The following PRMT7 variants were observed in gnomAD, a reference collection of about 807,000 sequenced individuals.
PRMT7 encodes the protein protein arginine methyltransferase 7.
PRMT7 carries 75 observed loss-of-function variants against 85.4 expected under a neutral mutation model. That is an observed-to-expected ratio of 0.88 (90% CI 0.73 to 1.06). The LOEUF is 1.06. PRMT7 is among the 50% of genes least tolerant of loss of function. The pLI, the probability that PRMT7 is intolerant of heterozygous loss-of-function variation, is 0.00. For synonymous variants in PRMT7, 397 were observed against 359.5 expected, an observed-to-expected ratio of 1.10 and a Z score of -1.18; for missense variants, 868 against 915.2, an observed-to-expected ratio of 0.95 and a Z score of 0.67.
intron 2 of PRMT7, 120 bp from the exon 3 acceptor site, chr16:68,315,777 A>G: frequency 1.7e-6 from 1 of 576,712 alleles, no homozygotes; most frequent in Admixed American, 3.2e-5. Context: ...CAGTTTCTTG[A>G]TTTTTTTCCC....
chr16:68,336,846 A>G (rs554087626), intron 6 of PRMT7, among the ~76,000 whole-genome samples: 1 of 152,202 alleles, frequency 6.6e-6, no homozygotes, highest in Non-Finnish European at 1.5e-5. Flanking sequence ...TCTGCCTCCC[A>G]GGTTCAAGTG....
chr16:68,317,772 C>T (rs2082034343), intron 3 of PRMT7, among the ~76,000 whole-genome samples: 1 of 151,350 alleles, frequency 6.6e-6, no homozygotes. Context: ...CGGAGGTTGC[C>T]ATGAGCCGAG....
rs562266391 is a variant in PRMT7, at chr16:68,338,757, C to T, written c.505-565C>T. Among the ~76,000 whole-genome samples the T allele has an allele frequency of 5.3e-5, 8 of 152,298 alleles. No individual in the cohort carries two copies. In the South Asian group the frequency reaches 1.7e-3, roughly 32 times the overall value. On this transcript the variant is annotated intron_variant, in intron 7 of 18. Coordinates refer to ENST00000441236, the MANE Select transcript of PRMT7 (RefSeq NM_019023.5). ...GCCAGTGGTGTCCTGGTGGTGAAAGCCATGTGGGTAGCAGCTGTGAGTGTG... is the reference window on the plus strand; with the variant it reads ...GCCAGTGGTGTCCTGGTGGTGAAAGTCATGTGGGTAGCAGCTGTGAGTGTG...
intron 9 of PRMT7, among the ~76,000 whole-genome samples, chr16:68,345,182 T>G (rs1283585374): frequency 6.6e-6 from 1 of 152,244 alleles, no homozygotes; most frequent in East Asian, 1.9e-4. Flanking sequence ...ATAGCTTTTG[T>G]TTCCTCAGTC....
At position 68,357,334 on chromosome 16, in the gene PRMT7, CAGGGATGGGAA is replaced by C. The variant is rs1436094747; in HGVS notation, c.*113_*123del. Reference sequence around the variant, plus strand: ...CTCCTCTCTGGGAGCTGCTCGGCCTCAGGGATGGGAAAGACTGCGCCGTGTTGCATCTTGTT... The same window carrying C: ...CTCCTCTCTGGGAGCTGCTCGGCCTCAGACTGCGCCGTGTTGCATCTTGTT... On this transcript the variant is annotated 3_prime_UTR_variant, in exon 19 of 19. Coordinates refer to ENST00000441236, the MANE Select transcript of PRMT7 (RefSeq NM_019023.5). The C allele has an allele frequency of 8.2e-7, 1 of 1,225,408 alleles. No individual in the cohort carries two copies. The highest frequency in any genetic ancestry group is 1.1e-6 in the Non-Finnish European group (1 of 881,140). 75.9% of individuals were successfully genotyped at this position (1,225,408 alleles called of 1,614,324 possible).
At chr16:68,313,967 G>A (rs1370077241) in intron 2 of PRMT7, among the ~76,000 whole-genome samples, 2 of 152,280 alleles carry the variant, frequency 1.3e-5, no homozygotes, top group South Asian at 4.1e-4. Flanking sequence ...AAATGAAATA[G>A]AGCATATCAG....
At chr16:68,330,854 G>A (rs1249930415) in intron 6 of PRMT7, among the ~76,000 whole-genome samples, 1 of 152,038 alleles carries the variant, frequency 6.6e-6, no homozygotes, top group African/African-American at 2.4e-5. Context: ...CTCGGCCTCC[G>A]AAAGTGCTGG....
At position 68,319,791 on chromosome 16, in the gene PRMT7, C is replaced by T. The variant is rs1211470397; in HGVS notation, c.96-1635C>T. On this transcript the variant is annotated intron_variant, in intron 3 of 18. Coordinates refer to ENST00000441236, the MANE Select transcript of PRMT7 (RefSeq NM_019023.5). ...GCTTTCTAGTGATTCTAGTGTTGAC[C>T]CAAGGCTGGAGGGCCTCTGTTTTAA... Among the ~76,000 whole-genome samples, 5 of 149,270 alleles carry T rather than the reference C, an allele frequency of 3.3e-5. No homozygotes were observed. In the South Asian group the frequency reaches 8.5e-4, roughly 25 times the overall value.
intron 14 of PRMT7, among the ~76,000 whole-genome samples, chr16:68,349,110 C>T (rs2086872804): frequency 6.6e-6 from 1 of 152,156 alleles, no homozygotes; most frequent in South Asian, 2.1e-4. Context: ...ACTGCTTCTG[C>T]CAGCAACCTC....
chr16:68,316,079 T>C lies in PRMT7; in HGVS notation c.95+5T>C. On this transcript the variant is annotated splice_donor_5th_base_variant and intron_variant, in intron 3 of 18. Transcript: ENST00000441236. The stretch of plus-strand genomic sequence containing the variant: ...TTACCACCAGGAGATTGCAAGGTAC[T>C]GGGTTGGTTTACAGCAGGCTGCAGC... 1 of 1,612,976 alleles carries C rather than the reference T, an allele frequency of 6.2e-7. No homozygotes were observed. The highest frequency in any genetic ancestry group is 1.3e-5 in the African/African-American group (1 of 75,022).
chr16:68,346,292 G>A lies in PRMT7; in HGVS notation c.1191+12G>A. 6.2e-7 allele frequency: 1 copy of A among 1,613,586 alleles called. No individual in the cohort carries two copies. Among genetic ancestry groups the A allele is most frequent in the Non-Finnish European group, 8.5e-7 (1 of 1,179,508 alleles). The stretch of plus-strand genomic sequence containing the variant: ...AGGCTCTGAGGACCGTAAGTGTCCA[G>A]CCCCTTGGCTTGTTGTGGGGAAAAG... On this transcript the variant is annotated intron_variant, in intron 11 of 18. Transcript: ENST00000441236.
intron 3 of PRMT7, among the ~76,000 whole-genome samples, chr16:68,320,683 G>A (rs528640136): frequency 3.9e-4 from 59 of 152,310 alleles, no homozygotes; most frequent in African/African-American, 1.3e-3. Context: ...TTTGGGGCCT[G>A]TTTTTGGCCA....
intron 11 of PRMT7, 93 bp from the exon 12 acceptor site, chr16:68,347,118 G>C (rs2086530698): frequency 8.4e-7 from 1 of 1,196,436 alleles, no homozygotes; most frequent in Non-Finnish European, 1.2e-6. Flanking sequence ...TGGGCAAGTG[G>C]AGTGAGAAGG....
Position 68,348,394 on chromosome 16 carries a change from C to A in PRMT7, c.1376C>A (p.Pro459Gln), listed in dbSNP as rs761252569. 1 of 1,612,608 alleles carries A rather than the reference C, an allele frequency of 6.2e-7. No homozygotes were observed. Among genetic ancestry groups the A allele is most frequent in the Non-Finnish European group, 8.5e-7 (1 of 1,178,932 alleles). ...AAAATTAACATCATAGAGAAACGGC[C>A]GGAATTATTAACAAATGAGGACCTA... is the stretch of plus-strand genomic sequence containing the variant. ...EDKINIIEKR[P>Q]ELLTNEDLQG... Residue 459 changes from proline to glutamine, a missense_variant, in exon 14 of 19, where the codon CCG becomes CAG. Physicochemically the swap from Pro to Gln is moderately conservative, Grantham distance 76 (BLOSUM62 -1). Coordinates refer to ENST00000441236, the MANE Select transcript of PRMT7 (RefSeq NM_019023.5).
chr16:68,329,006 G>T, intron 5 of PRMT7, 60 bp from the exon 6 acceptor site: 1 of 1,205,394 alleles, frequency 8.3e-7, no homozygotes, highest in Non-Finnish European at 1.2e-6. Context: ...TCACCTTAAA[G>T]GTCAGACTAC....
At chr16:68,356,978 C>T in intron 18 of PRMT7, 76 bp from the exon 19 acceptor site, 2 of 1,497,482 alleles carry the variant, frequency 1.3e-6, no homozygotes, top group Non-Finnish European at 1.8e-6. Flanking sequence ...TGCGAGCTGC[C>T]TGGGCTGGAG....
chr16:68,360,444 G>GC, downstream of PRMT7: 1 of 152,568 alleles, frequency 6.6e-6, no homozygotes, highest in South Asian at 2.1e-4. Context: ...GCCAGAGCCT[G>GC]CCAGACTCTG....
intron 14 of PRMT7, among the ~76,000 whole-genome samples, chr16:68,350,691 A>G (rs2087187670): frequency 6.6e-6 from 1 of 152,208 alleles, no homozygotes; most frequent in South Asian, 2.1e-4. Flanking sequence ...TCAGTTTAAG[A>G]ACCCTTTCAT....
Position 68,339,849 on chromosome 16 carries a change from C to T in PRMT7, c.808C>T (p.Leu270=), listed in dbSNP as rs1477123746. The T allele has an allele frequency of 6.2e-7, 1 of 1,614,216 alleles. No homozygotes were observed. The highest frequency in any genetic ancestry group is 8.5e-7 in the Non-Finnish European group (1 of 1,180,024). ...AACHSRRFEP[L]TSGRAQVVLS... Reference sequence around the variant, plus strand: ...CTGCCATAGCAGGCGGTTTGAACCTCTGACATCTGGCCGAGCTCAGGTGGT... The same window carrying T: ...CTGCCATAGCAGGCGGTTTGAACCTTTGACATCTGGCCGAGCTCAGGTGGT... The change falls in exon 9 of 19, where the codon CTG becomes TTG. Residue 270 remains leucine, a synonymous_variant. Transcript: ENST00000441236.
Sources: allele counts gnomAD v4.1 joint callset (sites outside exome capture counted in the v4.1 genomes callset), GRCh38; gene constraint gnomAD v4.1.1; transcripts MANE v1.5; gene names NCBI Gene and HGNC (gene_info 2026-07-23, HGNC 2026-07-21).